The following PADI4 variants were observed in gnomAD, a reference collection of about 807,000 sequenced individuals.
PADI4 encodes peptidyl arginine deiminase 4, also known as protein-arginine deiminase type-4.
A neutral mutation model predicts 75.0 loss-of-function variants in PADI4; 62 were observed. The ratio of observed to expected loss-of-function variants is 0.83; its 90% CI spans 0.67 to 1.02. PADI4 has a LOEUF of 1.02. PADI4 is among the 50% of genes least tolerant of loss of function. PADI4 has a pLI of 0.00. For synonymous variants in PADI4, 361 were observed against 348.1 expected, an observed-to-expected ratio of 1.04 and a Z score of -0.41; for missense variants, 845 against 850.5, an observed-to-expected ratio of 0.99 and a Z score of 0.08.
In PADI4 at chr1:17,356,143, C is replaced by G; in HGVS notation, c.1455+16C>G. On this transcript the variant is annotated intron_variant, in intron 12 of 15. Coordinates refer to ENST00000375448, the MANE Select transcript of PADI4 (RefSeq NM_012387.3). The surrounding 1 kb of genome is among the most constrained non-coding windows in gnomAD (Gnocchi z 4.1). ...CGACAGGAAGGTACAGTCTTGGGGG[C>G]TGCCTCAGGAAGCCATGCCTCCTTC... 2 of 1,612,080 alleles carry G rather than the reference C, an allele frequency of 1.2e-6. No individual in the cohort carries two copies. The highest frequency in any genetic ancestry group is 1.7e-6 in the Non-Finnish European group (2 of 1,178,642).
At chr1:17,337,746 C>G (rs892792441) in intron 4 of PADI4, among the ~76,000 whole-genome samples, 22 of 152,044 alleles carry the variant, frequency 1.4e-4, no homozygotes, top group African/African-American at 5.3e-4. Context: ...GAAATCCCAT[C>G]TCTACTAAAA....
chr1:17,316,800 G>C (rs576140506), intron 1 of PADI4, among the ~76,000 whole-genome samples: 6 of 149,046 alleles, frequency 4.0e-5, no homozygotes, highest in Non-Finnish European at 8.9e-5. Context: ...CCCCTGCCCC[G>C]CGCCCAGCTT....
At chr1:17,328,154 T>G (rs1165584386) in intron 1 of PADI4, among the ~76,000 whole-genome samples, 1 of 151,964 alleles carries the variant, frequency 6.6e-6, no homozygotes, top group African/African-American at 2.4e-5. Context: ...ATTTTGAGTA[T>G]CCATGACTAC....
rs191126766 is a variant in PADI4 at position 17,321,881 on chromosome 1, C to T, written c.93-9088C>T. Among the ~76,000 whole-genome samples, 724 of 152,178 alleles carry T rather than the reference C, an allele frequency of 4.8e-3. 4 individuals are homozygous for T. The Middle Eastern group carries it at 0.051, about 11-fold the overall frequency. On this transcript the variant is annotated intron_variant, in intron 1 of 15. Coordinates refer to ENST00000375448, the MANE Select transcript of PADI4 (RefSeq NM_012387.3). Reference sequence around the variant, plus strand: ...CCTTGGATATTTAAAGGAGAAAGGGCGGATAATGGAAGAAGATGAAGAAAT... The same window carrying T: ...CCTTGGATATTTAAAGGAGAAAGGGTGGATAATGGAAGAAGATGAAGAAAT...
chr1:17,318,561 A>G (rs1274042253), intron 1 of PADI4, among the ~76,000 whole-genome samples: 1 of 152,168 alleles, frequency 6.6e-6, no homozygotes, highest in East Asian at 1.9e-4. Context: ...GAATAACCTG[A>G]CTGCTGAGTG....
intron 15 of PADI4, among the ~76,000 whole-genome samples, chr1:17,361,304 G>C (rs1354711714): frequency 3.3e-5 from 5 of 152,270 alleles, no homozygotes; most frequent in African/African-American, 1.2e-4. Context: ...TTTCCCTCCA[G>C]TTTGGCCAAG....
At chr1:17,319,560 G>A (rs1448735378) in intron 1 of PADI4, among the ~76,000 whole-genome samples, 2 of 152,130 alleles carry the variant, frequency 1.3e-5, no homozygotes, top group African/African-American at 2.4e-5. Flanking sequence ...GACAGAGGGT[G>A]TATTAGTTTC....
chr1:17,324,253 A>G (rs551893819), intron 1 of PADI4, among the ~76,000 whole-genome samples: 54 of 151,360 alleles, frequency 3.6e-4, no homozygotes, highest in African/African-American at 8.5e-4. Flanking sequence ...TTTTTCACCA[A>G]TTGAGTGGGT....
chr1:17,335,314 T>G (rs902481915), intron 3 of PADI4, among the ~76,000 whole-genome samples: 4 of 152,128 alleles, frequency 2.6e-5, no homozygotes, highest in African/African-American at 9.7e-5. Context: ...CTTACAACAA[T>G]CCAGTGAAAT....
At chr1:17,352,199 T>TGAGAGGCAGTAGGAGAGGCAATCA (rs2074671639) in intron 10 of PADI4, among the ~76,000 whole-genome samples, 1 of 104,566 alleles carries the variant, frequency 9.6e-6, no homozygotes, top group Admixed American at 9.0e-5. Context: ...AGGGAGGAGA[T>TGAGAGGCAGTAGGAGAGGCAATCA]GGGAGGTGGT....
At chr1:17,363,312 G>A (rs759787706) in intron 15 of PADI4, among the ~76,000 whole-genome samples, 1 of 151,556 alleles carries the variant, frequency 6.6e-6, no homozygotes, top group Non-Finnish European at 1.5e-5. Flanking sequence ...TTTTAGAGAT[G>A]GGGTCTCACC....
chr1:17,316,710 T>TAAA (rs61557754), intron 1 of PADI4, among the ~76,000 whole-genome samples: 117,307 of 140,588 alleles, frequency 0.83, 49,353 homozygotes, highest in Middle Eastern at 0.93. Context: ...AATAAATAAA[T>TAAA]TAATTAATTA....
intron 1 of PADI4, among the ~76,000 whole-genome samples, chr1:17,312,332 C>T (rs1398015956): frequency 1.3e-5 from 2 of 151,896 alleles, no homozygotes; most frequent in African/African-American, 4.8e-5. Flanking sequence ...TGGTGGCAGA[C>T]GCTTGTAATC....
intron 15 of PADI4, among the ~76,000 whole-genome samples, chr1:17,360,997 T>C (rs1396426931): frequency 6.6e-6 from 1 of 152,190 alleles, no homozygotes; most frequent in Non-Finnish European, 1.5e-5. Flanking sequence ...CTTCAGAGCA[T>C]ACCCGAGACC....
chr1:17,343,944 G>A (rs182771083), intron 8 of PADI4, among the ~76,000 whole-genome samples: 26 of 152,270 alleles, frequency 1.7e-4, no homozygotes, highest in Non-Finnish European at 3.4e-4. Flanking sequence ...CCCAAAATGT[G>A]GAAGCAACTT....
chr1:17,313,058 C>A, intron 1 of PADI4, among the ~76,000 whole-genome samples: 1 of 151,820 alleles, frequency 6.6e-6, no homozygotes, highest in Middle Eastern at 3.2e-3. Context: ...AGCATGGTGG[C>A]GTGCGCCTGT....
chr1:17,358,024 G>A (rs1310236766), intron 13 of PADI4, among the ~76,000 whole-genome samples: 2 of 151,942 alleles, frequency 1.3e-5, no homozygotes, highest in South Asian at 2.1e-4. Flanking sequence ...GAGGCGGGTG[G>A]ATCACCTGAG....
At position 17,363,706 on chromosome 1, in the gene PADI4, A is replaced by G. The variant is rs765365653; in HGVS notation, c.1943A>G (p.Asn648Ser). The change falls in exon 16 of 16, where the codon AAC becomes AGC. Residue 648 changes from asparagine (N) to serine (S), a missense_variant. Physicochemically the swap from Asn to Ser is conservative, Grantham distance 46 (BLOSUM62 1). Transcript: ENST00000375448. ...CATGGGGAGGTGCACTGCGGCACCA[A>G]CGTGCGCAGAAAGCCCTTCTCCTTC... ...IRHGEVHCGT[N>S]VRRKPFSFKW... The G allele has an allele frequency of 6.2e-7, 1 of 1,614,148 alleles. No individual in the cohort carries two copies. The highest frequency in any genetic ancestry group is 8.5e-7 in the Non-Finnish European group (1 of 1,179,958).
In PADI4 at chr1:17,356,571, T is replaced by A. The variant is rs2074764295; in HGVS notation, c.1558+112T>A. 4 of 665,932 alleles carry A rather than the reference T, an allele frequency of 6.0e-6. No homozygotes were observed. The highest frequency in any genetic ancestry group is 2.6e-5 in the Admixed American group (1 of 37,742). The allele number at this position is 665,932 out of a possible 1,614,324, so 41.3% of individuals were successfully genotyped here. A position where few individuals can be genotyped will look rare whatever the true frequency, so the allele number is the denominator to read the frequency against. ...TAGGGTAGCATCTGAGCACCTACTG[T>A]GCGCCAGGCACTGTGCCAAGTGCTA... is the stretch of plus-strand genomic sequence containing the variant. On this transcript the variant is annotated intron_variant, in intron 13 of 15. Transcript: ENST00000375448. The surrounding 1 kb of genome is among the most constrained non-coding windows in gnomAD (Gnocchi z 4.1).
Sources: gnomAD v4.1 joint callset for allele counts (sites outside exome capture counted in the v4.1 genomes callset) on GRCh38, gnomAD v4.1.1 for gene constraint, Gnocchi (gnomAD v3.1) non-coding constraint, MANE v1.5 for transcripts, NCBI Gene and HGNC (gene_info 2026-07-23, HGNC 2026-07-21) for gene names.